Variants in SMARCD1 observed in about 807,000 individuals in gnomAD.
SMARCD1 encodes the protein SWI/SNF related BAF chromatin remodeling complex subunit D1.
In SMARCD1, 16 loss-of-function variants were observed where a neutral mutation model predicts 70.8. That is an observed-to-expected ratio of 0.23 (90% CI 0.15 to 0.34). The LOEUF is 0.34. Ranked by LOEUF, SMARCD1 falls within the 10% of genes least tolerant of loss-of-function variation. The pLI is 1.00. For missense variants in SMARCD1, 409 were observed against 655.5 expected (o/e 0.62, Z 4.11); for synonymous variants, 249 against 246.0 (o/e 1.01, Z -0.11).
intron 10 of SMARCD1, among the ~76,000 whole-genome samples, chr12:50,095,184 C>A (rs1950881631): frequency 6.6e-6 from 1 of 152,216 alleles, no homozygotes; most frequent in Non-Finnish European, 1.5e-5. Flanking sequence ...CACATAAAAA[C>A]AACAAATGGT....
chr12:50,085,876 C>T (rs1298932931), intron 1 of SMARCD1: 2 of 391,902 alleles, frequency 5.1e-6, no homozygotes, highest in East Asian at 3.7e-5. Context: ...TTGAGGTCAG[C>T]TTCTAAAGAG....
chr12:50,098,495 ACC>A (rs1950911962), intron 11 of SMARCD1: 1 of 564,724 alleles, frequency 1.8e-6, no homozygotes, highest in Non-Finnish European at 3.2e-6. Flanking sequence ...TTATAAGGGA[ACC>A]TACCGGTCAT....
chr12:50,091,230 C>T (rs1456306117), intron 9 of SMARCD1, among the ~76,000 whole-genome samples: 1 of 151,460 alleles, frequency 6.6e-6, no homozygotes, highest in African/African-American at 2.4e-5. Context: ...TACTGTGCAT[C>T]TCTTCCCATG....
At chr12:50,088,668 CT>C (rs1323018154) in intron 6 of SMARCD1, 31 bp downstream of exon 6, 2 of 1,208,084 alleles carry the variant, frequency 1.7e-6, no homozygotes, top group Admixed American at 3.9e-5. Context: ...GGCTTTGACT[CT>C]GATTGGAGGA....
intron 4 of SMARCD1, 47 bp downstream of exon 4, chr12:50,086,925 G>C: frequency 6.3e-7 from 1 of 1,599,134 alleles, no homozygotes. Flanking sequence ...GAGGACCCAG[G>C]AACCTTCAGC....
At chr12:50,090,705 C>T (rs1006134565) in intron 9 of SMARCD1, 115 bp downstream of exon 9, 4 of 652,042 alleles carry the variant, frequency 6.1e-6, no homozygotes, top group Admixed American at 2.7e-5. Flanking sequence ...ACAACTGTTA[C>T]ACTGTTACTT....
intron 9 of SMARCD1, among the ~76,000 whole-genome samples, chr12:50,090,958 G>A (rs1474336668): frequency 2.0e-5 from 3 of 150,898 alleles, no homozygotes; most frequent in South Asian, 4.2e-4. Context: ...CCGAGTAGCC[G>A]GGACTACAGG....
At chr12:50,097,179 G>A (rs1016095284) in intron 11 of SMARCD1, among the ~76,000 whole-genome samples, 12 of 152,248 alleles carry the variant, frequency 7.9e-5, no homozygotes, top group African/African-American at 2.9e-4. Flanking sequence ...GTCTGTCACT[G>A]TGCTTCATCT....
intron 9 of SMARCD1, among the ~76,000 whole-genome samples, chr12:50,092,208 C>CTTTCT (rs1167507360): frequency 1.4e-5 from 2 of 140,766 alleles, no homozygotes; most frequent in Middle Eastern, 3.4e-3. Context: ...CTGGTAAGGG[C>CTTTCT]TTTCTTTTCT....
In SMARCD1 at chr12:50,090,568, A is replaced by G; in HGVS notation, c.1111A>G (p.Ile371Val). 6.2e-7 allele frequency: 1 copy of G among 1,613,290 alleles called. No individual in the cohort carries two copies. The highest frequency in any genetic ancestry group is 8.5e-7 in the Non-Finnish European group (1 of 1,179,318). The change falls in exon 9 of 13, where the codon ATC (isoleucine) becomes GTC (valine). Residue 371 changes from isoleucine to valine, a missense_variant. Ile to Val is a conservative substitution (Grantham distance 29, BLOSUM62 3). Coordinates refer to ENST00000394963, the MANE Select transcript of SMARCD1 (RefSeq NM_003076.5). ...LHALLMPPEPIIINHVISVDP... is the reference protein window; with the variant it reads ...LHALLMPPEPVIINHVISVDP... ...TGCCTTGCTTATGCCACCAGAACCT[A>G]TCATCATTAATCATGTCATCAGGTA...
In SMARCD1 at chr12:50,092,468, C is replaced by T. The variant is rs146194115; in HGVS notation, c.1133+1878C>T. 7.1e-3 allele frequency among the ~76,000 whole-genome samples: 1,073 copies of T among 150,436 alleles called. 11 individuals carry two copies. Among genetic ancestry groups the T allele is most frequent in the African/African-American group, 0.024 (988 of 40,982 alleles). ...CGATCTCTTGGTCACGTGATCCACCCGCCTCGGCCTCCCAAAGTGCTGGGA... is the reference window on the plus strand; with the variant it reads ...CGATCTCTTGGTCACGTGATCCACCTGCCTCGGCCTCCCAAAGTGCTGGGA... On this transcript the variant is annotated intron_variant, in intron 9 of 12. Coordinates refer to ENST00000394963, the MANE Select transcript of SMARCD1 (RefSeq NM_003076.5).
intron 11 of SMARCD1, 140 bp from the exon 12 acceptor site, chr12:50,098,574 G>T (rs1592295721): frequency 4.6e-6 from 3 of 647,316 alleles, no homozygotes; most frequent in Non-Finnish European, 8.2e-6. Flanking sequence ...TCCAAATAAG[G>T]TCACATTCAC....
At chr12:50,090,065 A>G in intron 7 of SMARCD1, 80 bp downstream of exon 7, 1 of 1,376,954 alleles carries the variant, frequency 7.3e-7, no homozygotes, top group Non-Finnish European at 1.0e-6. Context: ...GTTTATGTCT[A>G]GTTGTGAATA....
At position 50,099,624 on chromosome 12, in the gene SMARCD1, G is replaced by C; in HGVS notation, c.*624G>C. ...CAGTGCTTCTCTCACTCCTTAGTTG[G>C]GGTCCACATCAGTATTGGAGTTTTG... On this transcript the variant is annotated 3_prime_UTR_variant, in exon 13 of 13. Coordinates refer to ENST00000394963, the MANE Select transcript of SMARCD1 (RefSeq NM_003076.5). The C allele has an allele frequency of 3.2e-6, 1 of 312,476 alleles. No individual in the cohort carries two copies. Among genetic ancestry groups the C allele is most frequent in the Non-Finnish European group, 5.8e-6 (1 of 171,436 alleles). 19.4% of individuals were successfully genotyped at this position (312,476 alleles called of 1,614,324 possible).
chr12:50,088,909 C>T (rs767262101), intron 6 of SMARCD1: 1 of 233,964 alleles, frequency 4.3e-6, no homozygotes, highest in Non-Finnish European at 8.2e-6. Context: ...TACTGGTGGC[C>T]TCTTGTATGT....
chr12:50,090,741 T>C lies in SMARCD1; in HGVS notation c.1133+151T>C. Reference sequence around the variant, plus strand: ...ACAATTAAATTACATAAACTTATAATTAAATATATTAGACTAAAAGTGGGT... The same window carrying C: ...ACAATTAAATTACATAAACTTATAACTAAATATATTAGACTAAAAGTGGGT... On this transcript the variant is annotated intron_variant, in intron 9 of 12. Transcript: ENST00000394963. 5 of 541,106 alleles carry C rather than the reference T, an allele frequency of 9.2e-6. No homozygotes were observed. In the South Asian group the frequency reaches 1.3e-4, roughly 14 times the overall value. 33.5% of individuals were successfully genotyped at this position (541,106 alleles called of 1,614,324 possible).
At chr12:50,096,700 G>A (rs545148968) in intron 10 of SMARCD1, 150 bp from the exon 11 acceptor site, 30 of 617,772 alleles carry the variant, frequency 4.9e-5, no homozygotes, top group Middle Eastern at 2.9e-4. Flanking sequence ...GCCAAGGGTC[G>A]GAGCAGTTGG....
At chr12:50,097,228 C>A (rs1950900144) in intron 11 of SMARCD1, among the ~76,000 whole-genome samples, 2 of 152,210 alleles carry the variant, frequency 1.3e-5, no homozygotes, top group Admixed American at 1.3e-4. Context: ...TCTCTGCTTT[C>A]AAAGCAGCCT....
chr12:50,090,776 T>C (rs923623250), intron 9 of SMARCD1, among the ~76,000 whole-genome samples, 186 bp downstream of exon 9: 5 of 150,828 alleles, frequency 3.3e-5, no homozygotes, highest in Admixed American at 6.6e-5. Context: ...TAACATATAT[T>C]CAAAATGTAT....
Sources: gnomAD v4.1 joint callset for allele counts (sites outside exome capture counted in the v4.1 genomes callset) on GRCh38, gnomAD v4.1.1 for gene constraint, MANE v1.5 for transcripts, NCBI Gene and HGNC (gene_info 2026-07-23, HGNC 2026-07-21) for gene names.